Variants in PIGU observed in about 807,000 individuals in gnomAD.
PIGU encodes the protein phosphatidylinositol glycan anchor biosynthesis class U.
Under a neutral mutation model 49.9 loss-of-function variants are expected in PIGU, and 24 were observed. The ratio of observed to expected loss-of-function variants is 0.48; its 90% CI spans 0.35 to 0.68. The LOEUF (loss-of-function observed/expected upper bound fraction) is 0.68, where lower values mean the gene tolerates loss of function less well. PIGU is among the 30% of genes least tolerant of loss of function. The probability of loss-of-function intolerance (pLI) is 0.01; values close to 1 mark genes in which losing one functional copy is unlikely to be tolerated. For synonymous variants in PIGU, 220 were observed against 205.7 expected, an observed-to-expected ratio of 1.07 and a Z score of -0.59; for missense variants, 490 against 532.6, an observed-to-expected ratio of 0.92 and a Z score of 0.79.
chr20:34,569,495 T>A (rs61418955), intron 11 of PIGU, among the ~76,000 whole-genome samples: 2,329 of 152,200 alleles, frequency 0.015, 63 homozygotes, highest in African/African-American at 0.053. Context: ...CCTCCCAAAG[T>A]GTTGGGATTA....
chr20:34,671,087 G>A (rs888418660), intron 1 of PIGU, among the ~76,000 whole-genome samples: 12 of 152,090 alleles, frequency 7.9e-5, no homozygotes, highest in African/African-American at 2.2e-4. Context: ...TATTATTAGC[G>A]AGGTCACCTT....
chr20:34,620,139 G>A (rs966364341), intron 6 of PIGU, among the ~76,000 whole-genome samples: 1 of 152,114 alleles, frequency 6.6e-6, no homozygotes, highest in African/African-American at 2.4e-5. Flanking sequence ...AAAGACTTCT[G>A]ATGGTTCCAT....
chr20:34,597,453 TTG>T (rs1277244069), intron 7 of PIGU, among the ~76,000 whole-genome samples: 1 of 152,184 alleles, frequency 6.6e-6, no homozygotes, highest in African/African-American at 2.4e-5. Context: ...TTCAGAACAG[TTG>T]TGTCTGAGGA....
At chr20:34,578,647 T>A (rs559990935) in intron 10 of PIGU, among the ~76,000 whole-genome samples, 2 of 152,270 alleles carry the variant, frequency 1.3e-5, no homozygotes, top group South Asian at 4.1e-4. Context: ...TACATTCCCA[T>A]GCGGCTAGAG....
chr20:34,623,652 C>T (rs1985339725), intron 6 of PIGU, among the ~76,000 whole-genome samples: 1 of 152,182 alleles, frequency 6.6e-6, no homozygotes, highest in African/African-American at 2.4e-5. Flanking sequence ...CTCAATCAAG[C>T]ACCATAAAAA....
intron 7 of PIGU, among the ~76,000 whole-genome samples, chr20:34,600,300 G>A (rs1338923999): frequency 5.3e-5 from 8 of 152,012 alleles, no homozygotes; most frequent in African/African-American, 1.9e-4. Flanking sequence ...CCAGCTACTC[G>A]GGAGGCTGAG....
chr20:34,579,234 C>A (rs1055934370), intron 10 of PIGU: 1 of 152,220 alleles, frequency 6.6e-6, no homozygotes, highest in African/African-American at 2.4e-5. Flanking sequence ...CCTTTGGTAA[C>A]TGGCTCCTTC....
chr20:34,676,881 GC>G, intron 1 of PIGU, 74 bp downstream of exon 1: 1 of 1,537,802 alleles, frequency 6.5e-7, no homozygotes, highest in Non-Finnish European at 8.8e-7. Context: ...GGCGGTCACT[GC>G]CCCCGCCTCC....
chr20:34,648,151 T>G (rs1439305057), intron 2 of PIGU, among the ~76,000 whole-genome samples: 1 of 150,690 alleles, frequency 6.6e-6, no homozygotes, highest in Non-Finnish European at 1.5e-5. Flanking sequence ...CTTGGGAGGC[T>G]GAGTTGGGAG....
intron 1 of PIGU, among the ~76,000 whole-genome samples, chr20:34,660,000 A>G (rs1986879418): frequency 6.8e-6 from 1 of 148,032 alleles, no homozygotes; most frequent in Non-Finnish European, 1.5e-5. Flanking sequence ...CTATTGTCCT[A>G]TGACCCTGCC....
At chr20:34,601,687 TTC>T (rs1008377413) in intron 7 of PIGU, among the ~76,000 whole-genome samples, 9 of 152,326 alleles carry the variant, frequency 5.9e-5, no homozygotes, top group Middle Eastern at 3.4e-3. Context: ...CAATCAGAGA[TTC>T]CCAGCTCCCA....
chr20:34,567,774 G>A (rs1017792240), intron 11 of PIGU, among the ~76,000 whole-genome samples: 7 of 150,890 alleles, frequency 4.6e-5, no homozygotes, highest in East Asian at 2.0e-4. Flanking sequence ...CCAGCAGCAC[G>A]GTGTTCCTCC....
At position 34,581,695 on chromosome 20, in the gene PIGU, G is replaced by A. The variant is rs759080941; in HGVS notation, c.927-23C>T. The stretch of plus-strand genomic sequence containing the variant: ...TCCCTGGGGCAGGGCAGGGGAAAGA[G>A]AGAGAGAGATGAGTCAGGGACCAGG... On this transcript the variant is annotated intron_variant, in intron 9 of 11. Transcript: ENST00000217446. 14 of 697,268 alleles carry A rather than the reference G, an allele frequency of 2.0e-5. No individual in the cohort carries two copies. The African/African-American group carries it at 4.0e-4, about 20-fold the overall frequency. The allele number at this position is 697,268 out of a possible 1,614,324, so 43.2% of individuals were successfully genotyped here. A position where few individuals can be genotyped will look rare whatever the true frequency, so the allele number is the denominator to read the frequency against.
At chr20:34,621,973 G>A (rs1427545686) in intron 6 of PIGU, among the ~76,000 whole-genome samples, 2 of 152,154 alleles carry the variant, frequency 1.3e-5, no homozygotes, top group African/African-American at 4.8e-5. Context: ...CCAAGGCTGT[G>A]CACAGGTTGG....
intron 7 of PIGU, among the ~76,000 whole-genome samples, chr20:34,610,884 G>A (rs894939488): frequency 2.6e-5 from 4 of 152,024 alleles, no homozygotes; most frequent in African/African-American, 9.7e-5. Context: ...CAGAACAGAG[G>A]CCTCAGAAAT....
intron 11 of PIGU, among the ~76,000 whole-genome samples, chr20:34,574,628 TGCTGTCCCGAGAGTCC>T (rs1983146678): frequency 6.6e-6 from 1 of 152,170 alleles, no homozygotes; most frequent in Admixed American, 6.5e-5. Context: ...CCTTTGTTCC[TGCTGTCCCGAGAGTCC>T]GCAGAGCCTC....
At chr20:34,668,867 C>CTTTTTTTT (rs374136983) in intron 1 of PIGU, among the ~76,000 whole-genome samples, 2 of 44,692 alleles carry the variant, frequency 4.5e-5, no homozygotes, top group South Asian at 1.0e-3. Context: ...AATGGTAAAA[C>CTTTTTTTT]TTTTTTTTTT....
At chr20:34,583,127 T>A (rs1489657318) in intron 9 of PIGU, among the ~76,000 whole-genome samples, 1 of 152,226 alleles carries the variant, frequency 6.6e-6, no homozygotes, top group African/African-American at 2.4e-5. Flanking sequence ...ACACCCAGAA[T>A]GCTCCAGTGC....
At chr20:34,581,425 C>T (rs945589485) in intron 10 of PIGU, 123 bp downstream of exon 10, 4 of 1,342,858 alleles carry the variant, frequency 3.0e-6, no homozygotes, top group Admixed American at 5.0e-5. Flanking sequence ...CATGCCTCTG[C>T]TCCCCTCCTA....
Sources: gnomAD v4.1 joint callset for allele counts (sites outside exome capture counted in the v4.1 genomes callset) on GRCh38, gnomAD v4.1.1 for gene constraint, MANE v1.5 for transcripts, NCBI Gene and HGNC (gene_info 2026-07-23, HGNC 2026-07-21) for gene names.